The following KATNAL1 variants were observed in gnomAD, a reference collection of about 807,000 sequenced individuals.
The protein encoded by KATNAL1 is katanin p60 ATPase-containing subunit A-like 1.
Under a neutral mutation model 55.2 loss-of-function variants are expected in KATNAL1, and 32 were observed. That is an observed-to-expected ratio of 0.58 (90% CI 0.44 to 0.78). The LOEUF is 0.78. KATNAL1 is among the 30% of genes least tolerant of loss of function. The pLI is 0.00. For missense variants in KATNAL1, 466 were observed against 600.9 expected, an observed-to-expected ratio of 0.78 and a Z score of 2.35; for synonymous variants, 193 against 193.6, an observed-to-expected ratio of 1.00 and a Z score of 0.02.
At chr13:30,263,418 G>C (rs147329359) in intron 3 of KATNAL1, among the ~76,000 whole-genome samples, 133,744 of 148,342 alleles carry the variant, frequency 0.9, 60,336 homozygotes, top group East Asian at 0.96. Flanking sequence ...TAGGAAAAGA[G>C]GAAGTCAAAT....
At chr13:30,275,651 C>T (rs1880788031) in intron 3 of KATNAL1, among the ~76,000 whole-genome samples, 1 of 152,090 alleles carries the variant, frequency 6.6e-6, no homozygotes, top group Admixed American at 6.6e-5. Flanking sequence ...AGCAAGGTGA[C>T]TGTAGTTAAC....
At chr13:30,242,141 G>C (rs937472906) in intron 4 of KATNAL1, among the ~76,000 whole-genome samples, 4 of 152,054 alleles carry the variant, frequency 2.6e-5, no homozygotes, top group Non-Finnish European at 5.9e-5. Context: ...AAATCACTAG[G>C]AACATTCTGT....
intron 4 of KATNAL1, among the ~76,000 whole-genome samples, chr13:30,251,506 C>A (rs1024009752): frequency 6.6e-6 from 1 of 152,084 alleles, no homozygotes; most frequent in African/African-American, 2.4e-5. Context: ...AGCCTGTTGG[C>A]CCCTTCCATC....
chr13:30,210,534 G>A (rs186412462), intron 9 of KATNAL1, 92 bp from the exon 10 acceptor site: 7 of 1,149,154 alleles, frequency 6.1e-6, no homozygotes, highest in Non-Finnish European at 8.7e-6. Context: ...GGAAAAATGA[G>A]GCCAATGCAA....
chr13:30,241,022 T>A lies in KATNAL1; in HGVS notation c.557A>T (p.Tyr186Phe), dbSNP rs774707432. ...AAGGGCTTCCACCAGATCCTTATCA[T>A]AACCAGCACCATCAAATTTTGGCAT... ...GEMPKFDGAG[Y>F]DKDLVEALER... The change falls in exon 5 of 11, where the codon TAT becomes TTT. Residue 186 changes from tyrosine to phenylalanine, a missense_variant. Tyr to Phe is a conservative substitution (Grantham distance 22, BLOSUM62 3). Transcript: ENST00000380615. 2 of 1,613,658 alleles carry A rather than the reference T, an allele frequency of 1.2e-6. No homozygotes were observed. The highest frequency in any genetic ancestry group is 2.2e-5 in the South Asian group (2 of 91,066).
At chr13:30,268,208 A>T (rs1211589543) in intron 3 of KATNAL1, among the ~76,000 whole-genome samples, 1 of 152,214 alleles carries the variant, frequency 6.6e-6, no homozygotes, top group East Asian at 1.9e-4. Flanking sequence ...CAGATGTCTC[A>T]GGAGTGACAA....
intron 1 of KATNAL1, among the ~76,000 whole-genome samples, chr13:30,287,949 C>T (rs1456083714): frequency 1.3e-5 from 2 of 152,064 alleles, no homozygotes; most frequent in Non-Finnish European, 2.9e-5. Flanking sequence ...ACAAAAAATT[C>T]CATAATTCTT....
intron 3 of KATNAL1, among the ~76,000 whole-genome samples, chr13:30,274,435 A>T (rs1398108517): frequency 1.9e-5 from 2 of 106,316 alleles, no homozygotes; most frequent in Non-Finnish European, 4.2e-5. Context: ...ATTTGATCTT[A>T]AAAAAAAATC....
At chr13:30,303,356 T>A (rs1882980071) in intron 1 of KATNAL1, among the ~76,000 whole-genome samples, 2 of 152,182 alleles carry the variant, frequency 1.3e-5, no homozygotes, top group African/African-American at 4.8e-5. Context: ...GGGCACAATT[T>A]CCCTGGGACT....
At chr13:30,241,719 G>A (rs931699256) in intron 4 of KATNAL1, among the ~76,000 whole-genome samples, 2 of 152,128 alleles carry the variant, frequency 1.3e-5, no homozygotes, top group South Asian at 2.1e-4. Context: ...GTCAAAATGA[G>A]TCAATCTCCT....
At chr13:30,235,092 C>T (rs1193938385) in intron 6 of KATNAL1, among the ~76,000 whole-genome samples, 1 of 152,202 alleles carries the variant, frequency 6.6e-6, no homozygotes, top group Non-Finnish European at 1.5e-5. Context: ...CATGGGCAAT[C>T]ATTCAATTGA....
chr13:30,271,718 T>G (rs1410839587), intron 3 of KATNAL1, among the ~76,000 whole-genome samples: 1 of 151,928 alleles, frequency 6.6e-6, no homozygotes, highest in African/African-American at 2.4e-5. Flanking sequence ...CCTTGTAGCC[T>G]GGTGGATTGT....
intron 9 of KATNAL1, among the ~76,000 whole-genome samples, chr13:30,223,676 A>C (rs1461638507): frequency 2.0e-5 from 3 of 152,182 alleles, no homozygotes; most frequent in East Asian, 1.9e-4. Context: ...TATTTACTTA[A>C]CAACAGAACA....
intron 9 of KATNAL1, among the ~76,000 whole-genome samples, chr13:30,215,281 G>T (rs550959381): frequency 7.9e-5 from 12 of 152,210 alleles, no homozygotes; most frequent in Admixed American, 7.8e-4. Flanking sequence ...AACAACAGGT[G>T]CTGGAGAGGA....
chr13:30,237,043 T>C (rs1178368890), intron 6 of KATNAL1, among the ~76,000 whole-genome samples: 2 of 152,142 alleles, frequency 1.3e-5, no homozygotes, highest in African/African-American at 4.8e-5. Context: ...TAGCAGTGTG[T>C]TCATTACTCT....
chr13:30,250,681 C>A lies in KATNAL1; in HGVS notation c.492+4766G>T, dbSNP rs561952912. Among the ~76,000 whole-genome samples the A allele has an allele frequency of 5.3e-5, 8 of 152,142 alleles. No individual in the cohort carries two copies. In the South Asian group the frequency reaches 1.2e-3, roughly 24 times the overall value. On this transcript the variant is annotated intron_variant, in intron 4 of 10. Transcript: ENST00000380615. Reference sequence around the variant, plus strand: ...ATGATAAATGGCCATTTGTTATGCACAATTTAATGAAATAAAGTCCTTTAA... The same window carrying A: ...ATGATAAATGGCCATTTGTTATGCAAAATTTAATGAAATAAAGTCCTTTAA...
At chr13:30,296,353 C>T (rs952359936) in intron 1 of KATNAL1, 7 of 1,131,918 alleles carry the variant, frequency 6.2e-6, no homozygotes, top group Non-Finnish European at 9.2e-6. Context: ...GCAAGCTGGG[C>T]TGCGAAGTGC....
intron 1 of KATNAL1, among the ~76,000 whole-genome samples, chr13:30,292,820 T>C (rs1882222568): frequency 1.3e-5 from 2 of 152,238 alleles, no homozygotes; most frequent in Non-Finnish European, 2.9e-5. Flanking sequence ...TCCATGAGAA[T>C]TTGCCTGGCT....
intron 3 of KATNAL1, among the ~76,000 whole-genome samples, chr13:30,259,852 GAACTGGGTGGAGCCCA>G (rs1879122501): frequency 6.6e-6 from 1 of 152,224 alleles, no homozygotes; most frequent in Non-Finnish European, 1.5e-5. Flanking sequence ...CGGGAAGCTC[GAACTGGGTGGAGCCCA>G]CCACAACTCA....
Sources: gnomAD v4.1 joint callset for allele counts (sites outside exome capture counted in the v4.1 genomes callset) on GRCh38, gnomAD v4.1.1 for gene constraint, MANE v1.5 for transcripts, NCBI Gene and HGNC (gene_info 2026-07-23, HGNC 2026-07-21) for gene names.